TEAD1: variants seen among roughly 807,000 people sequenced by gnomAD.
TEAD1 encodes the protein transcriptional enhancer factor TEF-1.
A neutral mutation model predicts 54.9 loss-of-function variants in TEAD1; 9 were observed. The observed-to-expected ratio is 0.16, with a 90% CI of 0.10 to 0.29. The LOEUF is 0.29. Among genes scored for constraint, TEAD1 ranks in the 10% least tolerant of loss-of-function variants. The probability of loss-of-function intolerance (pLI) is 1.00; values close to 1 mark genes in which losing one functional copy is unlikely to be tolerated. For synonymous variants in TEAD1, 200 were observed against 187.8 expected, an observed-to-expected ratio of 1.07 and a Z score of -0.53; for missense variants, 387 against 535.9, an observed-to-expected ratio of 0.72 and a Z score of 2.74.
intron 2 of TEAD1, among the ~76,000 whole-genome samples, chr11:12,705,043 G>C (rs1943784903): frequency 6.6e-6 from 1 of 152,224 alleles, no homozygotes; most frequent in Admixed American, 6.5e-5. Flanking sequence ...TGAATGGAAA[G>C]AGACTCCATC....
chr11:12,807,221 G>A (rs1946192797), intron 3 of TEAD1, among the ~76,000 whole-genome samples: 1 of 152,168 alleles, frequency 6.6e-6, no homozygotes, highest in Non-Finnish European at 1.5e-5. Context: ...TATCCCATGA[G>A]GTTTTCAAGG....
intron 3 of TEAD1, among the ~76,000 whole-genome samples, chr11:12,841,075 G>A (rs1193944030): frequency 6.6e-6 from 1 of 152,202 alleles, no homozygotes; most frequent in Admixed American, 6.5e-5. Context: ...GAGTCATGTG[G>A]GAAGTTACAT....
intron 3 of TEAD1, among the ~76,000 whole-genome samples, chr11:12,801,032 G>C (rs1360521053): frequency 6.6e-6 from 1 of 152,222 alleles, no homozygotes; most frequent in Non-Finnish European, 1.5e-5. Context: ...AGGAAGGAGA[G>C]ATTGAAACGA....
chr11:12,863,955 T>C (rs1007576787), intron 4 of TEAD1, among the ~76,000 whole-genome samples: 1 of 152,168 alleles, frequency 6.6e-6, no homozygotes, highest in Non-Finnish European at 1.5e-5. Context: ...ACCCAGATTT[T>C]TAACAGGATG....
At position 12,943,499 on chromosome 11, in the gene TEAD1, T is replaced by A. The variant is rs1235356748; in HGVS notation, c.*6277T>A. On this transcript the variant is annotated 3_prime_UTR_variant, in exon 13 of 13. Coordinates refer to ENST00000527636, the MANE Select transcript of TEAD1 (RefSeq NM_021961.6). ...AAATATTTGTATTTATTGTCCTACT[T>A]CCTAAGCCGTAACTTCTTTTCCTCT... 1 of 152,568 alleles carries A rather than the reference T, an allele frequency of 6.6e-6. No individual in the cohort carries two copies. Among genetic ancestry groups the A allele is most frequent in the Non-Finnish European group, 1.5e-5 (1 of 68,040 alleles). The allele number at this position is 152,568 out of a possible 1,614,324, so 9.5% of individuals were successfully genotyped here.
At chr11:12,722,940 T>A (rs1944241034) in intron 2 of TEAD1, among the ~76,000 whole-genome samples, 1 of 152,074 alleles carries the variant, frequency 6.6e-6, no homozygotes, top group Non-Finnish European at 1.5e-5. Flanking sequence ...CAGGCTGAAT[T>A]TACTTAACCA....
chr11:12,840,074 C>T lies in TEAD1; in HGVS notation c.203-22176C>T, dbSNP rs566378233. Among the ~76,000 whole-genome samples the T allele has an allele frequency of 3.9e-3, 588 of 151,622 alleles. 5 individuals are homozygous for T. Among genetic ancestry groups the T allele is most frequent in the African/African-American group, 0.014 (559 of 41,340 alleles). On this transcript the variant is annotated intron_variant, in intron 3 of 12. Transcript: ENST00000527636. ...CATCCTGGCTAACATGGTGAAATCC[C>T]GTCTCTACTAAAAATACAAAAAATT...
At position 12,806,258 on chromosome 11, in the gene TEAD1, G is replaced by A. The variant is rs566579481; in HGVS notation, c.202+41824G>A. ...CTGTATGTTGTAACATGTTCATATG[G>A]ATGCTGCAGATTGCACAAGCAAACC... On this transcript the variant is annotated intron_variant, in intron 3 of 12. Transcript: ENST00000527636. Among the ~76,000 whole-genome samples, 615 of 152,274 alleles carry A rather than the reference G, an allele frequency of 4.0e-3. 5 individuals carry two copies. Among genetic ancestry groups the A allele is most frequent in the African/African-American group, 0.014 (593 of 41,558 alleles).
At chr11:12,696,894 C>T (rs1480260971) in intron 2 of TEAD1, among the ~76,000 whole-genome samples, 2 of 152,076 alleles carry the variant, frequency 1.3e-5, no homozygotes, top group African/African-American at 4.8e-5. Flanking sequence ...GACTCCGGTT[C>T]CTGGACTGTC....
chr11:12,919,327 G>GC (rs1948765586), intron 10 of TEAD1, among the ~76,000 whole-genome samples: 1 of 152,198 alleles, frequency 6.6e-6, no homozygotes, highest in East Asian at 1.9e-4. Flanking sequence ...GGAATGGTCT[G>GC]CCGCAGCTGC....
At chr11:12,916,963 A>G (rs928457557) in intron 10 of TEAD1, among the ~76,000 whole-genome samples, 1 of 152,206 alleles carries the variant, frequency 6.6e-6, no homozygotes, top group African/African-American at 2.4e-5. Flanking sequence ...TCTGGATGGA[A>G]GTTACAGAGG....
chr11:12,885,262 G>A (rs1341449593), intron 9 of TEAD1, among the ~76,000 whole-genome samples: 17 of 133,534 alleles, frequency 1.3e-4, no homozygotes, highest in African/African-American at 2.5e-4. Context: ...TTGAGACAGC[G>A]TCTCGCTCTG....
At chr11:12,769,820 C>T (rs1301506915) in intron 3 of TEAD1, among the ~76,000 whole-genome samples, 1 of 152,170 alleles carries the variant, frequency 6.6e-6, no homozygotes. Flanking sequence ...CGGGACCCCA[C>T]CGATCACAGG....
chr11:12,819,659 G>C (rs1946495852), intron 3 of TEAD1, among the ~76,000 whole-genome samples: 1 of 151,740 alleles, frequency 6.6e-6, no homozygotes, highest in Non-Finnish European at 1.5e-5. Flanking sequence ...CACCATGTTA[G>C]CCAGGATGGT....
chr11:12,909,780 CT>C (rs1158928202), intron 10 of TEAD1, among the ~76,000 whole-genome samples: 2 of 152,132 alleles, frequency 1.3e-5, no homozygotes, highest in Non-Finnish European at 2.9e-5. Flanking sequence ...GTTATTTGCA[CT>C]TTATAGTACC....
Position 12,930,331 on chromosome 11 carries a change from T to G in TEAD1, c.1167+5T>G, listed in dbSNP as rs557596661. ...GAAAACTTCACAATTTTATTGGTAA[T>G]GGTTTTGTCTCTTTCCTCTGTGGGC... On this transcript the variant is annotated splice_donor_5th_base_variant and intron_variant, in intron 12 of 12. Transcript: ENST00000527636. The G allele has an allele frequency of 6.2e-7, 1 of 1,614,128 alleles. No homozygotes were observed. The highest frequency in any genetic ancestry group is 8.5e-7 in the Non-Finnish European group (1 of 1,179,966).
chr11:12,937,060 A>T, intron 12 of TEAD1, 49 bp from the exon 13 acceptor site: 1 of 1,264,848 alleles, frequency 7.9e-7, no homozygotes, highest in Non-Finnish European at 1.2e-6. Context: ...CACAGATGGA[A>T]TATGTTTTCA....
chr11:12,931,143 G>A (rs904019239), intron 12 of TEAD1, among the ~76,000 whole-genome samples: 2 of 152,174 alleles, frequency 1.3e-5, no homozygotes, highest in South Asian at 2.1e-4. Flanking sequence ...CTAAAGGAAA[G>A]GGAAAATAGT....
chr11:12,766,640 C>A (rs1224607018), intron 3 of TEAD1, among the ~76,000 whole-genome samples: 2 of 152,120 alleles, frequency 1.3e-5, no homozygotes, highest in Non-Finnish European at 2.9e-5. Context: ...CCTAGCCTGT[C>A]TTGGGTACCC....
Sources: gnomAD v4.1 joint callset for allele counts (sites outside exome capture counted in the v4.1 genomes callset) on GRCh38, gnomAD v4.1.1 for gene constraint, MANE v1.5 for transcripts, NCBI Gene and HGNC (gene_info 2026-07-23, HGNC 2026-07-21) for gene names.